The following RIMS1 variants were observed in gnomAD, a reference collection of about 807,000 sequenced individuals.
RIMS1 encodes the protein regulating synaptic membrane exocytosis 1.
A neutral mutation model predicts 214.1 loss-of-function variants in RIMS1; 83 were observed. That is an observed-to-expected ratio of 0.39 (90% confidence interval 0.32 to 0.47). RIMS1 has a LOEUF of 0.47. RIMS1 is among the 20% of genes least tolerant of loss of function. RIMS1 has a pLI of 0.99. For missense variants in RIMS1, 2,050 were observed against 2,161.8 expected (o/e 0.95, Z 1.03); for synonymous variants, 793 against 786.8 (o/e 1.01, Z -0.13).
intron 4 of RIMS1, among the ~76,000 whole-genome samples, chr6:72,169,340 G>A (rs2153951239): frequency 6.6e-6 from 1 of 152,222 alleles, no homozygotes; most frequent in Middle Eastern, 3.4e-3. Flanking sequence ...CAGAGGGCTT[G>A]AGATCAAAAT....
At chr6:71,951,729 G>C (rs948222391) in intron 1 of RIMS1, among the ~76,000 whole-genome samples, 5 of 150,914 alleles carry the variant, frequency 3.3e-5, no homozygotes, top group Admixed American at 1.3e-4. Context: ...GAACTGTTGG[G>C]CTCAAGCCAT....
chr6:72,306,143 A>G (rs917193658), intron 26 of RIMS1, among the ~76,000 whole-genome samples: 2 of 152,088 alleles, frequency 1.3e-5, no homozygotes, highest in African/African-American at 4.8e-5. Flanking sequence ...AGCCAAGTCA[A>G]TCAAACATAT....
At chr6:71,978,796 T>C (rs191728167) in intron 2 of RIMS1, among the ~76,000 whole-genome samples, 41 of 152,122 alleles carry the variant, frequency 2.7e-4, no homozygotes, top group African/African-American at 9.4e-4. Flanking sequence ...CCACCTGCAG[T>C]AGGGATCAAT....
chr6:72,366,036 A>G (rs2098001826), intron 29 of RIMS1, among the ~76,000 whole-genome samples: 1 of 152,212 alleles, frequency 6.6e-6, no homozygotes, highest in Non-Finnish European at 1.5e-5. Flanking sequence ...GAGAATTATG[A>G]TAAGGGTTAA....
intron 2 of RIMS1, among the ~76,000 whole-genome samples, chr6:72,070,002 A>T (rs1830223087): frequency 6.6e-6 from 1 of 152,234 alleles, no homozygotes; most frequent in Non-Finnish European, 1.5e-5. Flanking sequence ...GTTTCAGCAT[A>T]CATTTTAATT....
At chr6:71,896,641 C>T (rs918231769) in intron 1 of RIMS1, among the ~76,000 whole-genome samples, 2 of 152,090 alleles carry the variant, frequency 1.3e-5, no homozygotes, top group South Asian at 2.1e-4. Flanking sequence ...GACATACGCA[C>T]TTTGGGAAAA....
intron 2 of RIMS1, among the ~76,000 whole-genome samples, chr6:72,094,966 T>C (rs1222569513): frequency 6.6e-6 from 1 of 151,206 alleles, no homozygotes; most frequent in African/African-American, 2.4e-5. Context: ...CTTATTTATT[T>C]ATTTTGACAG....
intron 2 of RIMS1, among the ~76,000 whole-genome samples, chr6:72,030,609 T>C (rs1201211954): frequency 6.6e-6 from 1 of 152,128 alleles, no homozygotes; most frequent in Non-Finnish European, 1.5e-5. Context: ...CACAATTACA[T>C]TTTAATTATT....
intron 29 of RIMS1, among the ~76,000 whole-genome samples, chr6:72,384,818 T>C (rs1267107444): frequency 6.6e-6 from 1 of 152,230 alleles, no homozygotes; most frequent in Non-Finnish European, 1.5e-5. Flanking sequence ...ATCTTATTAC[T>C]GTTGTATCTG....
intron 28 of RIMS1, among the ~76,000 whole-genome samples, chr6:72,324,616 A>G (rs1389697557): frequency 6.6e-6 from 1 of 152,002 alleles, no homozygotes; most frequent in East Asian, 1.9e-4. Flanking sequence ...TACCAATATC[A>G]TAGAATGAAA....
chr6:72,207,778 A>AAAC (rs2154002030), intron 6 of RIMS1, among the ~76,000 whole-genome samples: 1 of 150,180 alleles, frequency 6.7e-6, no homozygotes, highest in Admixed American at 6.7e-5. Context: ...AACAAACAAA[A>AAAC]AAATTCTCCC....
intron 19 of RIMS1, chr6:72,263,291 G>A (rs768885651): frequency 2.2e-5 from 22 of 984,994 alleles, no homozygotes; most frequent in Non-Finnish European, 2.7e-5. Context: ...AACGTGTCTC[G>A]AGGAAGTGGT....
chr6:72,233,387 C>T (rs575840554), intron 6 of RIMS1, among the ~76,000 whole-genome samples: 18 of 151,366 alleles, frequency 1.2e-4, no homozygotes, highest in South Asian at 4.2e-4. Flanking sequence ...TAAAGAGAGA[C>T]ACTATATTTT....
intron 1 of RIMS1, among the ~76,000 whole-genome samples, chr6:71,923,317 T>C (rs1045684270): frequency 6.6e-6 from 1 of 152,220 alleles, no homozygotes; most frequent in Non-Finnish European, 1.5e-5. Flanking sequence ...CTTTGTTTGA[T>C]TGAAAGGCGT....
chr6:72,339,234 T>G (rs17689957), intron 29 of RIMS1, among the ~76,000 whole-genome samples: 5,085 of 151,850 alleles, frequency 0.033, 112 homozygotes, highest in Middle Eastern at 0.068. Flanking sequence ...GGAAGGACTT[T>G]GCACAACTGA....
At chr6:72,052,755 T>C (rs1825063800) in intron 2 of RIMS1, among the ~76,000 whole-genome samples, 1 of 152,232 alleles carries the variant, frequency 6.6e-6, no homozygotes. Context: ...GTATGTGTTA[T>C]TCTCTTCCTT....
intron 2 of RIMS1, among the ~76,000 whole-genome samples, chr6:72,003,013 A>G (rs1805840912): frequency 6.6e-6 from 1 of 152,096 alleles, no homozygotes; most frequent in South Asian, 2.1e-4. Flanking sequence ...CTAATGAAAT[A>G]TCCATTTTTA....
chr6:72,018,963 C>T (rs1242493771), intron 2 of RIMS1, among the ~76,000 whole-genome samples: 2 of 152,092 alleles, frequency 1.3e-5, no homozygotes, highest in African/African-American at 4.8e-5. Context: ...GGGAAGAAGG[C>T]CTCCACTGGC....
At chr6:72,050,459 C>T (rs150386264) in intron 2 of RIMS1, among the ~76,000 whole-genome samples, 13 of 152,304 alleles carry the variant, frequency 8.5e-5, no homozygotes, top group African/African-American at 2.9e-4. Context: ...TTCAGACTCA[C>T]ATTTAATCCC....
Sources: allele counts gnomAD v4.1 joint callset (sites outside exome capture counted in the v4.1 genomes callset), GRCh38; gene constraint gnomAD v4.1.1; transcripts MANE v1.5; gene names NCBI Gene and HGNC (gene_info 2026-07-23, HGNC 2026-07-21).